TSGA13: variants seen among roughly 807,000 people sequenced by gnomAD.
The protein encoded by TSGA13 is testis specific 13.
Under a neutral mutation model 35.1 loss-of-function variants are expected in TSGA13, and 37 were observed. That is an observed-to-expected ratio of 1.05 (90% CI 0.81 to 1.39). TSGA13 has a LOEUF of 1.39. Among genes scored for constraint, TSGA13 ranks in the 40% most tolerant of loss-of-function variants. TSGA13 has a pLI of 0.00. For synonymous variants in TSGA13, 124 were observed against 121.2 expected (o/e 1.02, Z -0.15); for missense variants, 338 against 328.5 (o/e 1.03, Z -0.22).
intron 2 of TSGA13, 24 bp downstream of exon 2, chr7:130,685,164 A>G (rs1235028444): frequency 1.2e-6 from 2 of 1,611,302 alleles, no homozygotes; most frequent in African/African-American, 2.7e-5. Flanking sequence ...TTTATAACTT[A>G]GTTGGGCAAA....
intron 5 of TSGA13, 25 bp from the exon 6 acceptor site, chr7:130,672,901 G>T (rs1554463514): frequency 6.2e-7 from 1 of 1,608,544 alleles, no homozygotes; most frequent in Non-Finnish European, 8.5e-7. Context: ...GGGAAGAAGA[G>T]TGAGGGAGTA....
chr7:130,669,097 T>C lies in TSGA13; in HGVS notation c.745A>G (p.Thr249Ala). 6.2e-7 allele frequency: 1 copy of C among 1,614,200 alleles called. No individual in the cohort carries two copies. The highest frequency in any genetic ancestry group is 1.3e-5 in the African/African-American group (1 of 75,056). Residue 249 changes from threonine to alanine, a missense_variant, in exon 8 of 8, where the codon ACC (threonine) becomes GCC (alanine). Thr to Ala is a moderately conservative substitution (Grantham distance 58). Transcript: ENST00000356588. Reference protein sequence around the residue: ...TLASLLEDMPTRTAPGESAFR... With the variant: ...TLASLLEDMPARTAPGESAFR... ...GCGCTCTCCCCGGGCGCGGTTCTGG[T>C]GGGCATGTCTTCCAAGAGCGATGCG...
chr7:130,673,993 G>T (rs1796347503), intron 5 of TSGA13, among the ~76,000 whole-genome samples: 1 of 151,628 alleles, frequency 6.6e-6, no homozygotes, highest in Admixed American at 6.6e-5. Context: ...TACTTGGGAG[G>T]CTGAGGCAGG....
intron 2 of TSGA13, among the ~76,000 whole-genome samples, chr7:130,684,299 T>C (rs1796612091): frequency 6.6e-6 from 1 of 152,234 alleles, no homozygotes; most frequent in Non-Finnish European, 1.5e-5. Flanking sequence ...CTCTACTCTG[T>C]TACCCTCACC....
Position 130,668,913 on chromosome 7 carries a change from C to T in TSGA13, c.*101G>A. On this transcript the variant is annotated 3_prime_UTR_variant, in exon 8 of 8. Transcript: ENST00000356588. ...ACCCTCCCGGCTTGCGACCCGGGAG[C>T]CCACGCCCGCAGCAGCAGGAATGTG... 6.7e-7 allele frequency: 1 copy of T among 1,490,134 alleles called. No homozygotes were observed. The highest frequency in any genetic ancestry group is 9.0e-7 in the Non-Finnish European group (1 of 1,112,500). 92.3% of individuals were successfully genotyped at this position (1,490,134 alleles called of 1,614,324 possible).
chr7:130,685,304 T>A lies in TSGA13; in HGVS notation c.-94A>T. 6.3e-7 allele frequency: 1 copy of A among 1,589,890 alleles called. No individual in the cohort carries two copies. Among genetic ancestry groups the A allele is most frequent in the African/African-American group, 1.3e-5 (1 of 74,712 alleles). ...AGTCCACGTTCTGCAGGGGTTCAATTCAATCCAAATATTCTTTCCTTAGCA... is the reference window on the plus strand; with the variant it reads ...AGTCCACGTTCTGCAGGGGTTCAATACAATCCAAATATTCTTTCCTTAGCA... On this transcript the variant is annotated 5_prime_UTR_variant, in exon 2 of 8. It removes the in-frame stop codon of an upstream open reading frame in the 5' UTR. Coordinates refer to ENST00000356588, the MANE Select transcript of TSGA13 (RefSeq NM_052933.4).
chr7:130,679,819 C>G (rs1391807617), intron 4 of TSGA13, among the ~76,000 whole-genome samples: 1 of 152,182 alleles, frequency 6.6e-6, no homozygotes, highest in Non-Finnish European at 1.5e-5. Context: ...TTATCACACG[C>G]AGCCCTAAAA....
At chr7:130,682,760 A>G (rs543179580) in intron 3 of TSGA13, among the ~76,000 whole-genome samples, 2 of 152,358 alleles carry the variant, frequency 1.3e-5, no homozygotes, top group East Asian at 3.9e-4. Flanking sequence ...AGAAGTTGGC[A>G]ATTCTTGGCA....
chr7:130,680,736 C>T (rs564885809), intron 4 of TSGA13, among the ~76,000 whole-genome samples: 3 of 152,254 alleles, frequency 2.0e-5, no homozygotes, highest in Non-Finnish European at 4.4e-5. Context: ...CCACTTTCTT[C>T]CCAGTTCTCA....
intron 1 of TSGA13, 33 bp from the exon 2 acceptor site, chr7:130,685,393 C>G (rs1162422802): frequency 1.5e-6 from 2 of 1,372,054 alleles, no homozygotes; most frequent in East Asian, 5.1e-5. Context: ...CTGATAGGTG[C>G]TATTGTAGAT....
At chr7:130,674,965 T>C (rs1360511762) in intron 5 of TSGA13, among the ~76,000 whole-genome samples, 1 of 152,050 alleles carries the variant, frequency 6.6e-6, no homozygotes, top group Non-Finnish European at 1.5e-5. Context: ...AAATAATAGG[T>C]TTTTTACTGT....
chr7:130,671,248 AT>A (rs1411297031), intron 7 of TSGA13, among the ~76,000 whole-genome samples: 1 of 152,174 alleles, frequency 6.6e-6, no homozygotes, highest in Non-Finnish European at 1.5e-5. Flanking sequence ...TTAAAATTTC[AT>A]TATTATAAAT....
chr7:130,674,568 C>A (rs906547141), intron 5 of TSGA13, among the ~76,000 whole-genome samples: 11 of 152,166 alleles, frequency 7.2e-5, no homozygotes, highest in Non-Finnish European at 1.6e-4. Context: ...ATTACATTAT[C>A]TGTGTGATCA....
intron 5 of TSGA13, among the ~76,000 whole-genome samples, chr7:130,677,187 C>A (rs12706948): frequency 6.6e-6 from 1 of 151,784 alleles, no homozygotes. Flanking sequence ...CCACTGCTCC[C>A]GGCCAGATTT....
Position 130,669,876 on chromosome 7 carries a change from C to T in TSGA13, c.659-693G>A, listed in dbSNP as rs547805238. On this transcript the variant is annotated intron_variant, in intron 7 of 7. Coordinates refer to ENST00000356588, the MANE Select transcript of TSGA13 (RefSeq NM_052933.4). The stretch of plus-strand genomic sequence containing the variant: ...TTTGAAGGAAATAGAAGTCTGCACT[C>T]ATTTATTCTGGGGGTGAAAATAAAC... Among the ~76,000 whole-genome samples, 8 of 152,290 alleles carry T rather than the reference C, an allele frequency of 5.3e-5. No homozygotes were observed. In the South Asian group the frequency reaches 1.0e-3, roughly 20 times the overall value.
At chr7:130,681,478 CCCTAGGGT>C (rs1299579893) in intron 3 of TSGA13, among the ~76,000 whole-genome samples, 1 of 152,042 alleles carries the variant, frequency 6.6e-6, no homozygotes, top group Admixed American at 6.5e-5. Flanking sequence ...TGCAAGGGAG[CCCTAGGGT>C]CAACTCTGCC....
Position 130,681,027 on chromosome 7 carries a change from A to T in TSGA13, c.103-10T>A. On this transcript the variant is annotated splice_polypyrimidine_tract_variant and intron_variant, in intron 3 of 7. Transcript: ENST00000356588. ...CGACTGCATCAGAAATCTAAAGAGG[A>T]TAATCAAAGTTAGTGGTTTGAAGTT... The T allele has an allele frequency of 6.2e-7, 1 of 1,614,004 alleles. No individual in the cohort carries two copies. The highest frequency in any genetic ancestry group is 8.5e-7 in the Non-Finnish European group (1 of 1,179,848).
At chr7:130,675,644 A>G (rs1390217233) in intron 5 of TSGA13, among the ~76,000 whole-genome samples, 1 of 152,146 alleles carries the variant, frequency 6.6e-6, no homozygotes, top group African/African-American at 2.4e-5. Flanking sequence ...CGGCCTCCCA[A>G]AGTGCTGGGC....
In TSGA13 at chr7:130,668,877, A is replaced by G. The variant is rs750392670; in HGVS notation, c.*137T>C. On this transcript the variant is annotated 3_prime_UTR_variant, in exon 8 of 8. Transcript: ENST00000356588. The stretch of plus-strand genomic sequence containing the variant: ...CTTCTCCTCTTGCGGCCCGCCGGAG[A>G]CTTCGGCTCGACCCTCCCGGCTTGC... 2.4e-5 allele frequency: 33 copies of G among 1,394,292 alleles called. No individual in the cohort carries two copies. Among genetic ancestry groups the G allele is most frequent in the South Asian group, 4.3e-5 (3 of 70,402 alleles). 86.4% of individuals were successfully genotyped at this position (1,394,292 alleles called of 1,614,324 possible).
Sources: gnomAD v4.1 joint callset for allele counts (sites outside exome capture counted in the v4.1 genomes callset) on GRCh38, gnomAD v4.1.1 for gene constraint, MANE v1.5 for transcripts, NCBI Gene and HGNC (gene_info 2026-07-23, HGNC 2026-07-21) for gene names.